ANO4: variants seen among roughly 807,000 people sequenced by gnomAD.
The protein encoded by ANO4 is anoctamin 4, also known as anoctamin-4.
In ANO4, 69 loss-of-function variants were observed where a neutral mutation model predicts 141.9. The ratio of observed to expected loss-of-function variants is 0.49; its 90% confidence interval spans 0.40 to 0.59. ANO4 has a LOEUF of 0.59. Among genes scored for constraint, ANO4 ranks in the 20% least tolerant of loss-of-function variants. The pLI is 0.00. For missense variants in ANO4, 894 were observed against 1,162.2 expected (o/e 0.77, Z 3.36); for synonymous variants, 350 against 394.3 (o/e 0.89, Z 1.33).
chr12:101,050,350 TG>T (rs1291117253), intron 14 of ANO4, among the ~76,000 whole-genome samples: 1 of 152,228 alleles, frequency 6.6e-6, no homozygotes, highest in Non-Finnish European at 1.5e-5. Context: ...GTAGGATTCC[TG>T]CCTCCCTTGG....
At chr12:101,121,753 CTT>C (rs71091478) in intron 26 of ANO4, among the ~76,000 whole-genome samples, 10,909 of 109,026 alleles carry the variant, frequency 0.1, 624 homozygotes, top group East Asian at 0.14. Context: ...AATTTGTTTA[CTT>C]TTTTTTTTTT....
At chr12:100,730,724 C>A (rs2031348555) in intron 1 of ANO4, among the ~76,000 whole-genome samples, 1 of 152,098 alleles carries the variant, frequency 6.6e-6, no homozygotes, top group Non-Finnish European at 1.5e-5. Context: ...GGAGGTGTGG[C>A]TAGCTGTTCA....
At chr12:100,864,337 G>A (rs1433962781) in intron 1 of ANO4, among the ~76,000 whole-genome samples, 1 of 152,060 alleles carries the variant, frequency 6.6e-6, no homozygotes, top group Non-Finnish European at 1.5e-5. Flanking sequence ...GGAAAGGCAG[G>A]CCCCCAAGAA....
chr12:100,807,401 T>C (rs1270241778), intron 1 of ANO4, among the ~76,000 whole-genome samples: 1 of 152,208 alleles, frequency 6.6e-6, no homozygotes, highest in Non-Finnish European at 1.5e-5. Flanking sequence ...AATTTTAATA[T>C]ATGATATGGC....
chr12:100,788,824 G>A (rs572649963), intron 3 of ANO4, among the ~76,000 whole-genome samples: 4 of 151,584 alleles, frequency 2.6e-5, no homozygotes, highest in East Asian at 3.9e-4. Context: ...CATTAAACAA[G>A]CAATCAAATA....
intron 1 of ANO4, among the ~76,000 whole-genome samples, chr12:100,821,164 T>C (rs1267061293): frequency 6.6e-6 from 1 of 152,068 alleles, no homozygotes; most frequent in Non-Finnish European, 1.5e-5. Context: ...GCTTACACAG[T>C]GTAGTTGTGT....
intron 14 of ANO4, among the ~76,000 whole-genome samples, chr12:101,051,483 G>T (rs1372023145): frequency 1.3e-5 from 2 of 152,160 alleles, no homozygotes; most frequent in Non-Finnish European, 2.9e-5. Context: ...AAATGTGCTA[G>T]TTTGAGAAAA....
intron 2 of ANO4, among the ~76,000 whole-genome samples, chr12:100,734,271 A>G (rs1246360986): frequency 6.6e-6 from 1 of 152,238 alleles, no homozygotes; most frequent in South Asian, 2.1e-4. Flanking sequence ...TTTGGAGAAC[A>G]TGCTAAGCAA....
chr12:101,002,533 A>G (rs2045692469), intron 8 of ANO4, among the ~76,000 whole-genome samples: 1 of 152,194 alleles, frequency 6.6e-6, no homozygotes, highest in East Asian at 1.9e-4. Flanking sequence ...CAGCATGGGA[A>G]TGGAAGTGAC....
chr12:101,084,270 T>C (rs986609395), intron 16 of ANO4, among the ~76,000 whole-genome samples: 2 of 152,202 alleles, frequency 1.3e-5, no homozygotes, highest in African/African-American at 4.8e-5. Flanking sequence ...CTCACCTTTA[T>C]AATATGCATA....
In ANO4 at chr12:100,942,536, G is replaced by A; in HGVS notation, c.456+1G>A. On this transcript the variant is annotated splice_donor_variant, in intron 5 of 27. Transcript: ENST00000392977. LOFTEE classifies it high-confidence loss of function. ...AGAAGGATTGCAAATGGAGAAAGAG[G>A]TAAATAGTTTGCTTGGATGAGAAAA... 6.2e-7 allele frequency: 1 copy of A among 1,611,080 alleles called. No individual in the cohort carries two copies. The highest frequency in any genetic ancestry group is 8.5e-7 in the Non-Finnish European group (1 of 1,179,196).
chr12:101,021,374 TATC>T lies in ANO4; in HGVS notation c.841+1237_841+1239del, dbSNP rs1337708831. 1.6e-4 allele frequency among the ~76,000 whole-genome samples: 25 copies of T among 152,312 alleles called. No individual in the cohort carries two copies. The East Asian group carries it at 4.6e-3, about 28-fold the overall frequency. On this transcript the variant is annotated intron_variant, in intron 9 of 27. Transcript: ENST00000392977. ...TATGTGCTACAGAAGCCTGCTGAGA[TATC>T]ATACTGGTATCAGGAAGAGAAACCC... is the stretch of plus-strand genomic sequence containing the variant.
chr12:101,047,506 A>G (rs1354798419), intron 13 of ANO4, among the ~76,000 whole-genome samples: 2 of 152,186 alleles, frequency 1.3e-5, no homozygotes, highest in African/African-American at 4.8e-5. Context: ...ATAACATGAA[A>G]AACCTCTTTA....
At chr12:100,828,854 C>T (rs1468093037) in intron 1 of ANO4, among the ~76,000 whole-genome samples, 1 of 151,854 alleles carries the variant, frequency 6.6e-6, no homozygotes, top group Non-Finnish European at 1.5e-5. Context: ...CCCATCTCTA[C>T]TAAAAATACA....
At chr12:101,103,111 A>G (rs2050254800) in intron 22 of ANO4, among the ~76,000 whole-genome samples, 2 of 145,240 alleles carry the variant, frequency 1.4e-5, no homozygotes, top group South Asian at 2.1e-4. Context: ...ATTTTTTGAG[A>G]TTTTCTACCA....
chr12:100,947,522 A>G (rs2042776370), intron 5 of ANO4, among the ~76,000 whole-genome samples: 1 of 152,198 alleles, frequency 6.6e-6, no homozygotes, highest in Admixed American at 6.5e-5. Context: ...AAAAACTGAA[A>G]TGCACAAACA....
At chr12:100,852,725 A>C (rs1485310947) in intron 1 of ANO4, among the ~76,000 whole-genome samples, 1 of 152,196 alleles carries the variant, frequency 6.6e-6, no homozygotes, top group African/African-American at 2.4e-5. Flanking sequence ...AGTGTTTGTG[A>C]TAATGGATAG....
rs1309840917 is a variant in ANO4, at chr12:101,037,075, G to T, written c.842-20G>T. The stretch of plus-strand genomic sequence containing the variant: ...ATTCAAACTCTGTATTAATTCAAAT[G>T]GACTTATTTGCTGTTTTAGGTCTGA... On this transcript the variant is annotated intron_variant, in intron 9 of 27. Transcript: ENST00000392977. 5 of 1,611,664 alleles carry T rather than the reference G, an allele frequency of 3.1e-6. No homozygotes were observed. In the African/African-American group the frequency reaches 4.0e-5, roughly 13 times the overall value.
At chr12:100,924,153 T>G (rs1284744378) in intron 3 of ANO4, among the ~76,000 whole-genome samples, 2 of 152,170 alleles carry the variant, frequency 1.3e-5, no homozygotes, top group Admixed American at 6.6e-5. Context: ...TTAGATCCCA[T>G]TTGTCAATTT....
Sources: allele counts gnomAD v4.1 joint callset (sites outside exome capture counted in the v4.1 genomes callset), GRCh38; gene constraint gnomAD v4.1.1; transcripts MANE v1.5; gene names NCBI Gene and HGNC (gene_info 2026-07-23, HGNC 2026-07-21).